BACE2: variants seen among roughly 807,000 people sequenced by gnomAD.
BACE2 encodes 56 kDa aspartic-like protease.
A neutral mutation model predicts 46.2 loss-of-function variants in BACE2; 17 were observed. The observed-to-expected ratio is 0.37, with a 90% confidence interval of 0.25 to 0.55. The LOEUF (loss-of-function observed/expected upper bound fraction) is 0.55. Ranked by LOEUF, BACE2 falls within the 20% of genes least tolerant of loss-of-function variation. The pLI, the probability that BACE2 is intolerant of heterozygous loss-of-function variation, is 0.82. For missense variants in BACE2, 595 were observed against 698.1 expected, an observed-to-expected ratio of 0.85 and a Z score of 1.66; for synonymous variants, 277 against 295.9, an observed-to-expected ratio of 0.94 and a Z score of 0.66.
intron 1 of BACE2, chr21:41,186,508 T>G (rs1985381531): frequency 6.6e-6 from 1 of 152,576 alleles, no homozygotes; most frequent in South Asian, 2.1e-4. Context: ...GTCTCTTGTC[T>G]CTCACCAATT....
At chr21:41,183,981 G>C (rs1381086048) in intron 1 of BACE2, 1 of 166,986 alleles carries the variant, frequency 6.0e-6, no homozygotes, top group African/African-American at 2.4e-5. Context: ...GGGGCAAGGA[G>C]GCTTAAAGTC....
chr21:41,203,338 G>A (rs1045563837), intron 1 of BACE2, among the ~76,000 whole-genome samples: 1 of 152,124 alleles, frequency 6.6e-6, no homozygotes, highest in Non-Finnish European at 1.5e-5. Flanking sequence ...AGGGGTGGGA[G>A]AGCAAGGTGC....
rs926053111 is a variant in BACE2 at position 41,168,494 on chromosome 21, C to T, written c.231C>T (p.Phe77=). 1 of 1,391,594 alleles carries T rather than the reference C, an allele frequency of 7.2e-7. No homozygotes were observed. Among genetic ancestry groups the T allele is most frequent in the Non-Finnish European group, 9.4e-7 (1 of 1,069,082 alleles). 86.2% of individuals were successfully genotyped at this position (1,391,594 alleles called of 1,614,324 possible). The part of the protein sequence containing the change: ...ALASPAGAAN[F]LAMVDNLQGD... ...CGTCCCCCGCGGGCGCCGCCAACTT[C>T]TTGGCCATGGTAGACAACCTGCAGG... Residue 77 remains phenylalanine (F), a synonymous_variant, in exon 1 of 9, where the codon TTC becomes TTT. Transcript: ENST00000330333.
chr21:41,209,202 C>G (rs959452450), intron 1 of BACE2, among the ~76,000 whole-genome samples: 1 of 152,216 alleles, frequency 6.6e-6, no homozygotes, highest in African/African-American at 2.4e-5. Flanking sequence ...GATTAAAGCC[C>G]CTGTGACTGC....
rs1222890527 is a variant in BACE2, at chr21:41,278,984, A to G, written c.*3360A>G. 2.0e-5 allele frequency: 3 copies of G among 152,110 alleles called. No homozygotes were observed. The highest frequency in any genetic ancestry group is 4.4e-5 in the Non-Finnish European group (3 of 68,022). 9.4% of individuals were successfully genotyped at this position (152,110 alleles called of 1,614,324 possible). ...ACAAACTTATTAGACTTGATTAGAA[A>G]ACTGTTTGGAGGAAAAACTTGCCAG... On this transcript the variant is annotated 3_prime_UTR_variant, in exon 9 of 9. Coordinates refer to ENST00000330333, the MANE Select transcript of BACE2 (RefSeq NM_012105.5).
chr21:41,238,637 G>A (rs536990456), intron 3 of BACE2, among the ~76,000 whole-genome samples: 14 of 151,916 alleles, frequency 9.2e-5, no homozygotes, highest in Non-Finnish European at 1.9e-4. Flanking sequence ...AAAATGATGA[G>A]TTCATGTCCT....
intron 1 of BACE2, among the ~76,000 whole-genome samples, chr21:41,216,495 A>G (rs969146257): frequency 6.6e-6 from 1 of 152,236 alleles, no homozygotes; most frequent in Non-Finnish European, 1.5e-5. Flanking sequence ...CACCTGTGTA[A>G]AAGAATGCAG....
intron 1 of BACE2, among the ~76,000 whole-genome samples, chr21:41,210,353 G>T (rs76947894): frequency 6.6e-6 from 1 of 151,982 alleles, no homozygotes; most frequent in African/African-American, 2.4e-5. Flanking sequence ...TAGGCACAAC[G>T]GCTGACCAGT....
intron 7 of BACE2, among the ~76,000 whole-genome samples, chr21:41,251,733 G>A (rs1289846446): frequency 4.6e-5 from 7 of 151,066 alleles, no homozygotes; most frequent in African/African-American, 9.8e-5. Flanking sequence ...CCTGGGAGGC[G>A]GAGGTTGCAG....
chr21:41,221,661 T>TA (rs369827374), intron 1 of BACE2, among the ~76,000 whole-genome samples: 30 of 151,724 alleles, frequency 2.0e-4, no homozygotes, highest in South Asian at 6.2e-4. Flanking sequence ...CCGTCTCTAC[T>TA]AAAAAAATAC....
chr21:41,252,420 T>C (rs1249940602), intron 7 of BACE2: 1 of 152,252 alleles, frequency 6.6e-6, no homozygotes, highest in South Asian at 2.1e-4. Context: ...ACCCAGCTTT[T>C]GTTGAAACCA....
chr21:41,257,817 G>T (rs3787944), intron 8 of BACE2, among the ~76,000 whole-genome samples: 10,580 of 152,260 alleles, frequency 0.069, 446 homozygotes, highest in South Asian at 0.16. Context: ...TGTGAGGGCA[G>T]CCCGCAGCAT....
At chr21:41,270,185 G>C (rs2088420722) in intron 8 of BACE2, among the ~76,000 whole-genome samples, 1 of 152,104 alleles carries the variant, frequency 6.6e-6, no homozygotes, top group Admixed American at 6.5e-5. Flanking sequence ...GTATAGGGTT[G>C]TTTGTTTTCT....
In BACE2 at chr21:41,264,695, C is replaced by A. The variant is rs572132917; in HGVS notation, c.1303+7369C>A. ...GGGGTGGTAGTAAACCATTAGAAACCACCCCCATGATCCAGTCACCTCCCA... is the reference window on the plus strand; with the variant it reads ...GGGGTGGTAGTAAACCATTAGAAACAACCCCCATGATCCAGTCACCTCCCA... On this transcript the variant is annotated intron_variant, in intron 8 of 8. Transcript: ENST00000330333. Among the ~76,000 whole-genome samples the A allele has an allele frequency of 2.0e-5, 3 of 152,066 alleles. No homozygotes were observed. In the East Asian group the frequency reaches 5.8e-4, roughly 29 times the overall value.
chr21:41,172,341 G>A (rs1176743683), intron 1 of BACE2, among the ~76,000 whole-genome samples: 1 of 152,226 alleles, frequency 6.6e-6, no homozygotes, highest in Admixed American at 6.5e-5. Context: ...ATCAAGAGCT[G>A]ACCTTGATTT....
chr21:41,251,692 C>T (rs1342571178), intron 7 of BACE2, among the ~76,000 whole-genome samples: 4 of 151,768 alleles, frequency 2.6e-5, no homozygotes, highest in African/African-American at 9.7e-5. Context: ...TCCCAGCTAC[C>T]CCGGAGGCTG....
In BACE2 at chr21:41,174,138, C is replaced by CTTT. The variant is rs1568853912; in HGVS notation, c.312+5563_312+5564insTTT. Reference sequence around the variant, plus strand: ...TAAGGATAGCTGTTGTGATCAGTGGCCTTTTTTTTTTTTTTTTTTTTTTTT... The same window carrying CTTT: ...TAAGGATAGCTGTTGTGATCAGTGGCTTTCTTTTTTTTTTTTTTTTTTTTTTTT... On this transcript the variant is annotated intron_variant, in intron 1 of 8. Coordinates refer to ENST00000330333, the MANE Select transcript of BACE2 (RefSeq NM_012105.5). Among the ~76,000 whole-genome samples the CTTT allele has an allele frequency of 2.3e-3, 162 of 70,618 alleles. 9 individuals are homozygous for CTTT. The highest frequency in any genetic ancestry group is 2.8e-3 in the African/African-American group (30 of 10,560). 46.3% of individuals were successfully genotyped at this position (70,618 alleles called of 152,430 possible). A position where few individuals can be genotyped will look rare whatever the true frequency, so the allele number is the denominator to read the frequency against.
chr21:41,247,179 G>A (rs1018486616), intron 6 of BACE2, among the ~76,000 whole-genome samples: 1 of 152,212 alleles, frequency 6.6e-6, no homozygotes, highest in Non-Finnish European at 1.5e-5. Flanking sequence ...GCTCATAGCA[G>A]AAACGTGACA....
At chr21:41,192,965 A>G (rs971699455) in intron 1 of BACE2, among the ~76,000 whole-genome samples, 1 of 152,194 alleles carries the variant, frequency 6.6e-6, no homozygotes, top group Admixed American at 6.5e-5. Flanking sequence ...TAGAAATTTT[A>G]CTGAGGTAGA....
Sources: gnomAD v4.1 joint callset for allele counts (sites outside exome capture counted in the v4.1 genomes callset) on GRCh38, gnomAD v4.1.1 for gene constraint, MANE v1.5 for transcripts, NCBI Gene and HGNC (gene_info 2026-07-23, HGNC 2026-07-21) for gene names.